Variants in SLAMF8 observed in about 807,000 individuals in gnomAD.
SLAMF8 encodes SLAM family member 8.
In SLAMF8, 23 loss-of-function variants were observed where a neutral mutation model predicts 29.0. The ratio of observed to expected loss-of-function variants is 0.79; its 90% CI spans 0.57 to 1.13. The LOEUF is 1.13. Among genes scored for constraint, SLAMF8 ranks in the 50% most tolerant of loss-of-function variants. SLAMF8 has a pLI of 0.00. For missense variants in SLAMF8, 381 were observed against 353.1 expected (o/e 1.08, Z -0.63); for synonymous variants, 139 against 145.6 (o/e 0.96, Z 0.32).
intron 1 of SLAMF8, among the ~76,000 whole-genome samples, chr1:159,827,234 T>G (rs537243633): frequency 1.3e-5 from 2 of 152,110 alleles, no homozygotes; most frequent in African/African-American, 2.4e-5. Flanking sequence ...ACTGCTGGTT[T>G]GGAGAGAAAG....
Position 159,836,093 on chromosome 1 carries a change from A to C in SLAMF8, c.*833A>C. On this transcript the variant is annotated 3_prime_UTR_variant, in exon 5 of 5. Transcript: ENST00000289707. ...AAATACTGAATTTGCCCCAGCCAAC[A>C]GGACGTTCTTGCACAACTTCAAGAA... 3.0e-6 allele frequency: 3 copies of C among 985,512 alleles called. No homozygotes were observed. Among genetic ancestry groups the C allele is most frequent in the Non-Finnish European group, 3.6e-6 (3 of 829,954 alleles). 61.0% of individuals were successfully genotyped at this position (985,512 alleles called of 1,614,324 possible).
In SLAMF8 at chr1:159,830,080, C is replaced by A; in HGVS notation, c.255C>A (p.Asn85Lys). Residue 85 changes from asparagine (N) to lysine (K), a missense_variant, in exon 2 of 5, where the codon AAC becomes AAA. Transcript: ENST00000289707. Reference sequence around the variant, plus strand: ...TGGGCCGAGCCCAGCTACACAGCAACCTCAGCCTGGAGCTCGGGCCGCTGG... The same window carrying A: ...TGGGCCGAGCCCAGCTACACAGCAAACTCAGCCTGGAGCTCGGGCCGCTGG... ...RFLGRAQLHS[N>K]LSLELGPLES... The A allele has an allele frequency of 6.2e-7, 1 of 1,614,268 alleles. No individual in the cohort carries two copies. The highest frequency in any genetic ancestry group is 8.5e-7 in the Non-Finnish European group (1 of 1,180,056).
chr1:159,834,334 G>A (rs1647736585), intron 4 of SLAMF8: 1 of 152,286 alleles, frequency 6.6e-6, no homozygotes, highest in African/African-American at 2.4e-5. Flanking sequence ...CCAGCAGAGA[G>A]AAGGGCAAGA....
At chr1:159,830,377 G>A (rs1038230893) in intron 2 of SLAMF8, among the ~76,000 whole-genome samples, 185 bp downstream of exon 2, 6 of 152,206 alleles carry the variant, frequency 3.9e-5, no homozygotes, top group African/African-American at 1.4e-4. Context: ...GGCTGCAGCA[G>A]CCAGGCTTTG....
intron 4 of SLAMF8, 188 bp from the exon 5 acceptor site, chr1:159,834,996 A>G: frequency 1.7e-6 from 1 of 584,558 alleles, no homozygotes; most frequent in Non-Finnish European, 3.0e-6. Context: ...CCAAGGTTAG[A>G]TACTAGGAAG....
chr1:159,837,385 G>A lies in SLAMF8; in HGVS notation c.*2125G>A, dbSNP rs952228240. On this transcript the variant is annotated 3_prime_UTR_variant, in exon 5 of 5. Coordinates refer to ENST00000289707, the MANE Select transcript of SLAMF8 (RefSeq NM_020125.3). ...ACCACAACAAATATTGATTGAGGGCGCTGCATGTGCTGGGTACATTTCTTG... is the reference window on the plus strand; with the variant it reads ...ACCACAACAAATATTGATTGAGGGCACTGCATGTGCTGGGTACATTTCTTG... 12 of 848,862 alleles carry A rather than the reference G, an allele frequency of 1.4e-5. No homozygotes were observed. The Admixed American group carries it at 3.1e-4, about 22-fold the overall frequency. The allele number at this position is 848,862 out of a possible 1,614,324, so 52.6% of individuals were successfully genotyped here. A position where few individuals can be genotyped will look rare whatever the true frequency, so the allele number is the denominator to read the frequency against.
chr1:159,833,510 C>T, intron 4 of SLAMF8, 141 bp downstream of exon 4: 1 of 1,229,668 alleles, frequency 8.1e-7, no homozygotes, highest in Non-Finnish European at 1.1e-6. Context: ...CCTTCTCTAG[C>T]TCATATCTTG....
Position 159,837,118 on chromosome 1 carries a change from G to T in SLAMF8, c.*1858G>T. 10 of 985,464 alleles carry T rather than the reference G, an allele frequency of 1.0e-5. No individual in the cohort carries two copies. Among genetic ancestry groups the T allele is most frequent in the Non-Finnish European group, 1.2e-5 (10 of 829,968 alleles). 61.0% of individuals were successfully genotyped at this position (985,464 alleles called of 1,614,324 possible). On this transcript the variant is annotated 3_prime_UTR_variant, in exon 5 of 5. Coordinates refer to ENST00000289707, the MANE Select transcript of SLAMF8 (RefSeq NM_020125.3). The stretch of plus-strand genomic sequence containing the variant: ...CTCAGATCAAAGCAGCTCTGGATGA[G>T]ATGGGACCTGCAGCTCTCCCTCCAC...
chr1:159,835,481 C>G lies in SLAMF8; in HGVS notation c.*221C>G. 1 of 1,327,894 alleles carries G rather than the reference C, an allele frequency of 7.5e-7. No homozygotes were observed. The highest frequency in any genetic ancestry group is 9.6e-7 in the Non-Finnish European group (1 of 1,041,566). The allele number at this position is 1,327,894 out of a possible 1,614,324, so 82.3% of individuals were successfully genotyped here. ...CCTTCCCTCTCCCATCTTCTCATAT[C>G]CTGGCTCTTCTCTGGGCAAGATGAG... On this transcript the variant is annotated 3_prime_UTR_variant, in exon 5 of 5. Coordinates refer to ENST00000289707, the MANE Select transcript of SLAMF8 (RefSeq NM_020125.3).
chr1:159,833,436 G>C, intron 4 of SLAMF8, 67 bp downstream of exon 4: 1 of 1,607,990 alleles, frequency 6.2e-7, no homozygotes, highest in Non-Finnish European at 8.5e-7. Flanking sequence ...GGGGGTCTTG[G>C]ACCTCCTCCT....
chr1:159,829,480 C>T (rs927112908), intron 1 of SLAMF8, among the ~76,000 whole-genome samples: 10 of 152,200 alleles, frequency 6.6e-5, no homozygotes, highest in Admixed American at 3.3e-4. Context: ...CTCCAGGCCG[C>T]CCTCGGCTTG....
In SLAMF8 at chr1:159,833,191, G is replaced by T; in HGVS notation, c.673+10G>T. The T allele has an allele frequency of 6.2e-7, 1 of 1,614,000 alleles. No individual in the cohort carries two copies. The highest frequency in any genetic ancestry group is 8.5e-7 in the Non-Finnish European group (1 of 1,179,900). ...TGTCATCATGAGGCAGGTATGCTAA[G>T]GGCCAGCAGTCAGTGGTTGAGGGCT... On this transcript the variant is annotated intron_variant, in intron 3 of 4. Coordinates refer to ENST00000289707, the MANE Select transcript of SLAMF8 (RefSeq NM_020125.3).
intron 1 of SLAMF8, among the ~76,000 whole-genome samples, chr1:159,828,436 G>A (rs1166251904): frequency 6.6e-6 from 1 of 152,180 alleles, no homozygotes; most frequent in Non-Finnish European, 1.5e-5. Flanking sequence ...AATTATCATG[G>A]CCGACTGAGC....
rs1307349933 is a variant in SLAMF8 at position 159,830,275 on chromosome 1, G to C, written c.367+83G>C. 4.3e-6 allele frequency: 6 copies of C among 1,407,092 alleles called. No individual in the cohort carries two copies. In the South Asian group the frequency reaches 9.1e-5, roughly 21 times the overall value. 87.2% of individuals were successfully genotyped at this position (1,407,092 alleles called of 1,614,324 possible). ...CATCCTGAGTCATAGCAGCCAGGGA[G>C]AGCTGGGTTCCAGAAAGCTCTGGTC... On this transcript the variant is annotated intron_variant, in intron 2 of 4. Coordinates refer to ENST00000289707, the MANE Select transcript of SLAMF8 (RefSeq NM_020125.3).
chr1:159,828,039 G>T (rs1019051224), intron 1 of SLAMF8, among the ~76,000 whole-genome samples: 2 of 152,018 alleles, frequency 1.3e-5, no homozygotes, highest in Non-Finnish European at 2.9e-5. Flanking sequence ...TCATCATGTT[G>T]ACCAGGCTGG....
rs1647939124 is a variant in SLAMF8 at position 159,836,383 on chromosome 1, G to C, written c.*1123G>C. 1 of 985,298 alleles carries C rather than the reference G, an allele frequency of 1.0e-6. No homozygotes were observed. The highest frequency in any genetic ancestry group is 1.7e-5 in the African/African-American group (1 of 57,216). The allele number at this position is 985,298 out of a possible 1,614,324, so 61.0% of individuals were successfully genotyped here. ...TGGCCATCTTAGGAAAATACATTCT[G>C]CCCCTGAATGATTCTGTCTAGAAAA... On this transcript the variant is annotated 3_prime_UTR_variant, in exon 5 of 5. Coordinates refer to ENST00000289707, the MANE Select transcript of SLAMF8 (RefSeq NM_020125.3).
In SLAMF8 at chr1:159,826,923, C is replaced by T. The variant is rs1012939667; in HGVS notation, c.25C>T (p.Leu9=). 9 of 1,614,014 alleles carry T rather than the reference C, an allele frequency of 5.6e-6. No individual in the cohort carries two copies. In the Admixed American group the frequency reaches 6.7e-5, roughly 12 times the overall value. Residue 9 remains leucine, a synonymous_variant, in exon 1 of 5, where the codon CTG becomes TTG. Transcript: ENST00000289707. MVMRPLWS[L]LLWEALLPIT... ...GATGGTCATGAGGCCCCTGTGGAGT[C>T]TGCTTCTCTGGGAAGGTAAGTGGGG...
At chr1:159,835,034 T>C in intron 4 of SLAMF8, 150 bp from the exon 5 acceptor site, 1 of 674,082 alleles carries the variant, frequency 1.5e-6, no homozygotes, top group Non-Finnish European at 2.5e-6. Flanking sequence ...GAGCCTCCCT[T>C]TCCAGGGTGT....
chr1:159,832,147 G>C (rs1408031670), intron 2 of SLAMF8, among the ~76,000 whole-genome samples: 1 of 152,136 alleles, frequency 6.6e-6, no homozygotes, highest in Non-Finnish European at 1.5e-5. Context: ...TCAGTGACCA[G>C]ATATCGAGCA....
Sources: gnomAD v4.1 joint callset for allele counts (sites outside exome capture counted in the v4.1 genomes callset) on GRCh38, gnomAD v4.1.1 for gene constraint, MANE v1.5 for transcripts, NCBI Gene and HGNC (gene_info 2026-07-23, HGNC 2026-07-21) for gene names.